Variants in PLD5 observed in about 807,000 individuals in gnomAD.
PLD5 encodes phospholipase D family member 5.
PLD5 carries 36 observed loss-of-function variants against 61.1 expected under a neutral mutation model. The observed-to-expected ratio is 0.59, with a 90% CI of 0.45 to 0.78. The LOEUF is 0.78. PLD5 is among the 30% of genes least tolerant of loss of function. The pLI is 0.00. For missense variants in PLD5, 515 were observed against 644.4 expected (o/e 0.80, Z 2.17); for synonymous variants, 243 against 242.8 (o/e 1.00, Z -0.01).
intron 1 of PLD5, among the ~76,000 whole-genome samples, chr1:242,448,437 TTC>T (rs1666638409): frequency 6.6e-6 from 1 of 152,232 alleles, no homozygotes; most frequent in African/African-American, 2.4e-5. Flanking sequence ...ATTTCAGGCA[TTC>T]TCTCTCAACA....
intron 3 of PLD5, among the ~76,000 whole-genome samples, chr1:242,283,457 G>A (rs1674836426): frequency 6.6e-6 from 1 of 152,152 alleles, no homozygotes; most frequent in Admixed American, 6.6e-5. Flanking sequence ...CTTTATGTAT[G>A]TGCCATCTAA....
At chr1:242,347,694 T>A (rs1375535464) in intron 2 of PLD5, among the ~76,000 whole-genome samples, 1 of 152,238 alleles carries the variant, frequency 6.6e-6, no homozygotes, top group Non-Finnish European at 1.5e-5. Flanking sequence ...ACTTCTTCAA[T>A]CCCTAACGTT....
At chr1:242,377,926 A>G (rs1180182976) in intron 1 of PLD5, among the ~76,000 whole-genome samples, 1 of 152,228 alleles carries the variant, frequency 6.6e-6, no homozygotes, top group Non-Finnish European at 1.5e-5. Context: ...GGGAATGTAA[A>G]ATGTTGCAAC....
intron 2 of PLD5, among the ~76,000 whole-genome samples, chr1:242,337,701 T>C (rs1659605985): frequency 1.3e-5 from 2 of 152,184 alleles, no homozygotes. Context: ...CTTCTACACA[T>C]GAATTATCTT....
At chr1:242,300,817 G>A (rs114096388) in intron 2 of PLD5, among the ~76,000 whole-genome samples, 8,833 of 152,158 alleles carry the variant, frequency 0.058, 298 homozygotes, top group Middle Eastern at 0.11. Context: ...TCGGCGAAGG[G>A]CGGTGGCAGC....
intron 2 of PLD5, among the ~76,000 whole-genome samples, chr1:242,339,904 A>T (rs2149211532): frequency 6.6e-6 from 1 of 152,342 alleles, no homozygotes; most frequent in Middle Eastern, 3.4e-3. Context: ...CAACTGGAAA[A>T]GAGAGGGAGC....
At chr1:242,278,035 A>G (rs1156765819) in intron 3 of PLD5, among the ~76,000 whole-genome samples, 2 of 152,192 alleles carry the variant, frequency 1.3e-5, no homozygotes, top group Non-Finnish European at 2.9e-5. Context: ...ATATGAGCCT[A>G]TGTATACAAA....
intron 1 of PLD5, among the ~76,000 whole-genome samples, chr1:242,418,451 T>C (rs1303188469): frequency 6.6e-6 from 1 of 152,116 alleles, no homozygotes; most frequent in Non-Finnish European, 1.5e-5. Context: ...AGTGTGTACA[T>C]GGTATTTACA....
intron 5 of PLD5, among the ~76,000 whole-genome samples, chr1:242,145,494 G>A (rs1200749471): frequency 6.6e-6 from 1 of 151,892 alleles, no homozygotes; most frequent in East Asian, 1.9e-4. Flanking sequence ...ATTATCTGAG[G>A]GAAGAACTCA....
intron 4 of PLD5, among the ~76,000 whole-genome samples, chr1:242,255,960 G>A (rs998112045): frequency 3.3e-5 from 5 of 152,238 alleles, no homozygotes; most frequent in Non-Finnish European, 7.3e-5. Flanking sequence ...TCTACCAATT[G>A]TTCAATGCTT....
At chr1:242,120,342 G>A (rs1448928701) in intron 6 of PLD5, among the ~76,000 whole-genome samples, 7 of 151,598 alleles carry the variant, frequency 4.6e-5, no homozygotes, top group Admixed American at 4.6e-4. Context: ...TAGTACAGAC[G>A]GGGTTTCACC....
At chr1:242,322,233 T>C (rs1374323550) in intron 2 of PLD5, among the ~76,000 whole-genome samples, 2 of 152,210 alleles carry the variant, frequency 1.3e-5, no homozygotes, top group Non-Finnish European at 2.9e-5. Context: ...TGATCTCATC[T>C]AATGTACGTT....
chr1:242,222,784 C>T (rs534533443), intron 4 of PLD5, among the ~76,000 whole-genome samples: 49 of 152,328 alleles, frequency 3.2e-4, no homozygotes, highest in African/African-American at 1.2e-3. Flanking sequence ...GAAAGTTTGA[C>T]TTCAGAGATG....
intron 1 of PLD5, among the ~76,000 whole-genome samples, chr1:242,418,845 G>A (rs1042877946): frequency 6.6e-6 from 1 of 152,200 alleles, no homozygotes; most frequent in Non-Finnish European, 1.5e-5. Context: ...TAAGGGTCCA[G>A]AGAATAGGTT....
At chr1:242,502,199 CT>C (rs1668576120) in intron 1 of PLD5, among the ~76,000 whole-genome samples, 1 of 152,152 alleles carries the variant, frequency 6.6e-6, no homozygotes, top group South Asian at 2.1e-4. Context: ...GAACCTCAAA[CT>C]TAACATATTT....
chr1:242,112,339 GTA>G (rs5782215), intron 7 of PLD5, among the ~76,000 whole-genome samples: 115,000 of 143,324 alleles, frequency 0.8, 46,418 homozygotes, highest in African/African-American at 0.89. Context: ...ATGTATATGT[GTA>G]TATATATATA....
At position 242,509,433 on chromosome 1, in the gene PLD5, T is replaced by A. The variant is rs367995081; in HGVS notation, c.189+14655A>T. 2.5e-4 allele frequency among the ~76,000 whole-genome samples: 38 copies of A among 152,324 alleles called. No individual in the cohort carries two copies. The East Asian group carries it at 6.0e-3, about 24-fold the overall frequency. On this transcript the variant is annotated intron_variant, in intron 1 of 9. Coordinates refer to ENST00000536534, the MANE Select transcript of PLD5 (RefSeq NM_001372062.1). ...ATGCCTGCCTCCTTTGAACTCCTCC[T>A]TGTACACTGCTCATTATTGATGTTT... is the stretch of plus-strand genomic sequence containing the variant.
chr1:242,141,659 A>G (rs1664183938), intron 5 of PLD5, among the ~76,000 whole-genome samples: 1 of 152,194 alleles, frequency 6.6e-6, no homozygotes, highest in Non-Finnish European at 1.5e-5. Flanking sequence ...ACAGGCTCAC[A>G]TGAAGCAAGC....
chr1:242,289,288 T>C (rs1675215479), intron 2 of PLD5, among the ~76,000 whole-genome samples: 1 of 152,222 alleles, frequency 6.6e-6, no homozygotes, highest in Non-Finnish European at 1.5e-5. Flanking sequence ...AGATAACTTC[T>C]GAACAAAGGA....
Sources: gnomAD v4.1 joint callset for allele counts (sites outside exome capture counted in the v4.1 genomes callset) on GRCh38, gnomAD v4.1.1 for gene constraint, MANE v1.5 for transcripts, NCBI Gene and HGNC (gene_info 2026-07-23, HGNC 2026-07-21) for gene names.